KCNQ1: variants seen among roughly 807,000 people sequenced by gnomAD.
KCNQ1 encodes the protein potassium voltage-gated channel subfamily KQT member 1.
A neutral mutation model predicts 72.4 loss-of-function variants in KCNQ1; 49 were observed. The observed-to-expected ratio is 0.68, with a 90% confidence interval of 0.54 to 0.86. The LOEUF is 0.86. Ranked by LOEUF, KCNQ1 falls within the 40% of genes least tolerant of loss-of-function variation. The pLI, the probability that KCNQ1 is intolerant of heterozygous loss-of-function variation, is 0.00. For missense variants in KCNQ1, 790 were observed against 945.1 expected (o/e 0.84, Z 2.15); for synonymous variants, 450 against 412.6 (o/e 1.09, Z -1.10).
intron 1 of KCNQ1, among the ~76,000 whole-genome samples, chr11:2,524,593 C>G (rs891296740): frequency 1.3e-5 from 2 of 152,238 alleles, no homozygotes; most frequent in Non-Finnish European, 2.9e-5. Context: ...GCTGAACAGA[C>G]AGCAACTTAG....
intron 11 of KCNQ1, among the ~76,000 whole-genome samples, chr11:2,700,451 C>T (rs1269449187): frequency 6.6e-6 from 1 of 152,130 alleles, no homozygotes; most frequent in Admixed American, 6.5e-5. Context: ...GGCCTGTGGG[C>T]GTCCAGGCCA....
chr11:2,572,715 T>C, intron 5 of KCNQ1, 131 bp from the exon 6 acceptor site: 1 of 1,191,302 alleles, frequency 8.4e-7, no homozygotes, highest in Non-Finnish European at 1.2e-6. Flanking sequence ...AAGCCGGCCC[T>C]GTGCATGTGA....
chr11:2,831,600 A>G (rs1384314328), intron 15 of KCNQ1, among the ~76,000 whole-genome samples: 1 of 151,720 alleles, frequency 6.6e-6, no homozygotes, highest in Non-Finnish European at 1.5e-5. Flanking sequence ...CCACAACCAT[A>G]GTGTCCCCTC....
At chr11:2,622,531 G>A (rs760662883) in intron 10 of KCNQ1, 36 of 398,046 alleles carry the variant, frequency 9.0e-5, no homozygotes, top group East Asian at 7.1e-4. Flanking sequence ...GAATTTAATC[G>A]ACTTACATTT....
chr11:2,523,210 T>C (rs929075114), intron 1 of KCNQ1, among the ~76,000 whole-genome samples: 7 of 151,444 alleles, frequency 4.6e-5, no homozygotes, highest in Non-Finnish European at 8.8e-5. Context: ...TTTTTTTTTT[T>C]TGTGGTGGAG....
chr11:2,635,871 T>A (rs572019869), intron 10 of KCNQ1: 7 of 152,360 alleles, frequency 4.6e-5, no homozygotes, highest in Non-Finnish European at 8.8e-5. Context: ...AGCAGTGGTT[T>A]GTACTTCTCC....
At position 2,658,108 on chromosome 11, in the gene KCNQ1, A is replaced by AT. The variant is rs1849884358; in HGVS notation, c.1394-3852dup. On this transcript the variant is annotated intron_variant, in intron 10 of 15. Coordinates refer to ENST00000155840, the MANE Select transcript of KCNQ1 (RefSeq NM_000218.3). The surrounding 1 kb of genome is among the most constrained non-coding windows in gnomAD (Gnocchi z 4.9). ...TCAACTCTACCTCCTGCAGGAGAGT[A>AT]TCAAAAAAAATCTGCAAATATGTTA... 1 of 398,484 alleles carries AT rather than the reference A, an allele frequency of 2.5e-6. No individual in the cohort carries two copies. Among genetic ancestry groups the AT allele is most frequent in the African/African-American group, 2.1e-5 (1 of 48,626 alleles). The allele number at this position is 398,484 out of a possible 1,614,324, so 24.7% of individuals were successfully genotyped here.
In KCNQ1 at chr11:2,828,713, C is replaced by T. The variant is rs1847887631; in HGVS notation, c.1795-19054C>T. ...CCACCAGGAGCAGTTGTGGGTGGGG[C>T]AGGAGCTCTCGTGATGAAAACAACA... On this transcript the variant is annotated intron_variant, in intron 15 of 15. Coordinates refer to ENST00000155840, the MANE Select transcript of KCNQ1 (RefSeq NM_000218.3). This position sits in a 1 kb window ranked among gnomAD's most constrained non-coding sequence, Gnocchi z 5.3. Among the ~76,000 whole-genome samples the T allele has an allele frequency of 6.6e-6, 1 of 152,180 alleles. No homozygotes were observed. The highest frequency in any genetic ancestry group is 6.5e-5 in the Admixed American group (1 of 15,282).
chr11:2,742,600 G>A (rs1317269211), intron 11 of KCNQ1, among the ~76,000 whole-genome samples: 1 of 152,252 alleles, frequency 6.6e-6, no homozygotes, highest in East Asian at 1.9e-4. Context: ...GCCTGGCAGG[G>A]GAATGTTTAC....
chr11:2,830,685 G>A lies in KCNQ1; in HGVS notation c.1795-17082G>A, dbSNP rs1308953666. On this transcript the variant is annotated intron_variant, in intron 15 of 15. Coordinates refer to ENST00000155840, the MANE Select transcript of KCNQ1 (RefSeq NM_000218.3). The surrounding 1 kb of genome is among the most constrained non-coding windows in gnomAD (Gnocchi z 7.7). The stretch of plus-strand genomic sequence containing the variant: ...TCCCACCCTTCCACTCACCTTCCGA[G>A]CATTGTGGGCCTTCCCAGGAACCCC... Among the ~76,000 whole-genome samples, 3 of 152,040 alleles carry A rather than the reference G, an allele frequency of 2.0e-5. No homozygotes were observed. Among genetic ancestry groups the A allele is most frequent in the Admixed American group, 6.5e-5 (1 of 15,276 alleles).
chr11:2,810,227 G>A (rs1012383481), intron 15 of KCNQ1, among the ~76,000 whole-genome samples: 3 of 152,140 alleles, frequency 2.0e-5, no homozygotes, highest in African/African-American at 7.2e-5. Flanking sequence ...CTGGACTCAG[G>A]GGTTTCAATT....
In KCNQ1 at chr11:2,691,226, G is replaced by A. The variant is rs1036227265; in HGVS notation, c.1514+29145G>A. ...AAATTAGCAAGTGGAGGAGTTAGAG[G>A]ATCTGCAGTTAACCCCTTGAGTCTC... On this transcript the variant is annotated intron_variant, in intron 11 of 15. Transcript: ENST00000155840. This position sits in a 1 kb window ranked among gnomAD's most constrained non-coding sequence, Gnocchi z 6.4. 4 of 398,632 alleles carry A rather than the reference G, an allele frequency of 1.0e-5. No individual in the cohort carries two copies. Among genetic ancestry groups the A allele is most frequent in the Middle Eastern group, 6.3e-4 (1 of 1,588 alleles). The allele number at this position is 398,632 out of a possible 1,614,324, so 24.7% of individuals were successfully genotyped here.
chr11:2,742,446 A>G (rs958714587), intron 11 of KCNQ1, among the ~76,000 whole-genome samples: 4 of 152,174 alleles, frequency 2.6e-5, no homozygotes, highest in Non-Finnish European at 4.4e-5. Flanking sequence ...TGGGGCCTTC[A>G]TGCCTGTGGG....
In KCNQ1 at chr11:2,611,827, T is replaced by C. The variant is rs1168204450; in HGVS notation, c.1393+22973T>C. On this transcript the variant is annotated intron_variant, in intron 10 of 15. Transcript: ENST00000155840. This position sits in a 1 kb window ranked among gnomAD's most constrained non-coding sequence, Gnocchi z 5.3. ...CTGCCTTCTGCAGGTTGAATAGATA[T>C]GTTCTAGAGTACCATTCTAATTCCT... 1.5e-5 allele frequency: 6 copies of C among 398,382 alleles called. No individual in the cohort carries two copies. Among genetic ancestry groups the C allele is most frequent in the Admixed American group, 1.3e-4 (3 of 22,718 alleles). The allele number at this position is 398,382 out of a possible 1,614,324, so 24.7% of individuals were successfully genotyped here.
In KCNQ1 at chr11:2,464,983, G is replaced by A. The variant is rs1353746924; in HGVS notation, c.386+19499G>A. ...CTGGTCCAGTGCAGGGAGCTGCCCC[G>A]GCCGCCCCCGTGGGTGCAGGCCATG... On this transcript the variant is annotated intron_variant, in intron 1 of 15. Coordinates refer to ENST00000155840, the MANE Select transcript of KCNQ1 (RefSeq NM_000218.3). The surrounding 1 kb of genome is among the most constrained non-coding windows in gnomAD (Gnocchi z 5.0). Among the ~76,000 whole-genome samples, 1 of 152,008 alleles carries A rather than the reference G, an allele frequency of 6.6e-6. No individual in the cohort carries two copies. The highest frequency in any genetic ancestry group is 1.5e-5 in the Non-Finnish European group (1 of 67,996).
chr11:2,847,582 C>T (rs1319865201), intron 15 of KCNQ1, among the ~76,000 whole-genome samples, 185 bp from the exon 16 acceptor site: 2 of 152,242 alleles, frequency 1.3e-5, no homozygotes, highest in African/African-American at 2.4e-5. Context: ...TCCTTGCACA[C>T]ACACAGGCGC....
At chr11:2,730,459 G>A (rs972553040) in intron 11 of KCNQ1, among the ~76,000 whole-genome samples, 1 of 152,124 alleles carries the variant, frequency 6.6e-6, no homozygotes, top group Non-Finnish European at 1.5e-5. Flanking sequence ...CTTTCCCCAC[G>A]GCCCCCTTGT....
intron 11 of KCNQ1, among the ~76,000 whole-genome samples, chr11:2,765,274 G>A (rs1213068679): frequency 6.6e-6 from 1 of 152,200 alleles, no homozygotes; most frequent in East Asian, 1.9e-4. Flanking sequence ...TATTTAGATT[G>A]TTTAATATCC....
At chr11:2,560,541 G>C (rs1486617639) in intron 2 of KCNQ1, among the ~76,000 whole-genome samples, 2 of 38,460 alleles carry the variant, frequency 5.2e-5, no homozygotes, top group Non-Finnish European at 9.2e-5. Flanking sequence ...CTGGGGGGGC[G>C]GGGGGGGGTG....
Sources: allele counts gnomAD v4.1 joint callset (sites outside exome capture counted in the v4.1 genomes callset), GRCh38; gene constraint gnomAD v4.1.1; non-coding constraint Gnocchi (gnomAD v3.1); transcripts MANE v1.5; gene names NCBI Gene and HGNC (gene_info 2026-07-23, HGNC 2026-07-21).